Variants in STARD8 observed in about 807,000 individuals in gnomAD.
STARD8 encodes StAR related lipid transfer domain containing 8, also known as stAR-related lipid transfer protein 8.
A neutral mutation model predicts 69.4 loss-of-function variants in STARD8; 25 were observed. The ratio of observed to expected loss-of-function variants is 0.36; its 90% CI spans 0.26 to 0.50. The LOEUF (loss-of-function observed/expected upper bound fraction) is 0.50, where lower values mean the gene tolerates loss of function less well. Among genes scored for constraint, STARD8 ranks in the 20% least tolerant of loss-of-function variants. STARD8 has a pLI of 0.96. For missense variants in STARD8, 921 were observed against 932.5 expected (o/e 0.99, Z 0.16); for synonymous variants, 389 against 374.6 (o/e 1.04, Z -0.45).
chrX:68,718,769 A>T (rs1299175528), intron 6 of STARD8, 140 bp downstream of exon 6: 1 of 1,053,760 alleles, frequency 9.5e-7, no homozygotes, highest in Non-Finnish European at 1.2e-6. Context: ...CAGGAGAGAG[A>T]GTACAGGACT....
At chrX:68,697,767 G>A (rs1245202234) in intron 2 of STARD8, among the ~76,000 whole-genome samples, 1 of 112,478 alleles carries the variant, frequency 8.9e-6, no homozygotes, top group East Asian at 2.8e-4. Flanking sequence ...ATCCGGGCCA[G>A]CCCTCTACCC....
chrX:68,720,280 A>G lies in STARD8; in HGVS notation c.1906A>G (p.Met636Val). 2 of 1,201,851 alleles carry G rather than the reference A, an allele frequency of 1.7e-6. No individual in the cohort carries two copies. Among genetic ancestry groups the G allele is most frequent in the Non-Finnish European group, 2.2e-6 (2 of 890,381 alleles). The change falls in exon 8 of 15, where the codon ATG becomes GTG. Residue 636 changes from methionine (M) to valine (V), a missense_variant. By Grantham distance (21) the Met-to-Val change is conservative. Coordinates refer to ENST00000374599, the MANE Select transcript of STARD8 (RefSeq NM_001142503.3). The stretch of plus-strand genomic sequence containing the variant: ...CCCAAACAGGTCAATGCCCAAGTTC[A>G]TGAGGAGGAACAAGACCCCAGATTA... ...QGWVWSMPKF[M>V]RRNKTPDYRG...
In STARD8 at chrX:68,718,750, C is replaced by T. The variant is rs372463074; in HGVS notation, c.1715+121C>T. ...GCTTGGCGGCTGCGTTATCCCCTCA[C>T]AGCCAGCTCAGGAGAGAGAGTACAG... On this transcript the variant is annotated intron_variant, in intron 6 of 14. Transcript: ENST00000374599. The T allele has an allele frequency of 1.6e-5, 17 of 1,079,663 alleles. No individual in the cohort carries two copies. In the African/African-American group the frequency reaches 2.3e-4, roughly 14 times the overall value. The allele number at this position is 1,079,663 out of a possible 1,213,427, so 89.0% of individuals were successfully genotyped here.
In STARD8 at chrX:68,666,487, C is replaced by T. The variant is rs142043698; in HGVS notation, c.79+955C>T. Among the ~76,000 whole-genome samples, 703 of 112,110 alleles carry T rather than the reference C, an allele frequency of 6.3e-3. 3 individuals carry two copies. Among genetic ancestry groups the T allele is most frequent in the African/African-American group, 0.022 (673 of 30,839 alleles). ...TTGGGAAGACGTTGGAAGAGACAAC[C>T]AGAACCCTTACTAATAAGAACCTTC... On this transcript the variant is annotated intron_variant, in intron 2 of 14. Coordinates refer to ENST00000374599, the MANE Select transcript of STARD8 (RefSeq NM_001142503.3).
At chrX:68,676,074 G>C (rs1048491425) in intron 2 of STARD8, among the ~76,000 whole-genome samples, 1 of 112,584 alleles carries the variant, frequency 8.9e-6, no homozygotes, top group Non-Finnish European at 1.9e-5. Context: ...TTCTAAAAAT[G>C]TGAACAATGT....
chrX:68,700,737 A>T (rs138765694), intron 2 of STARD8, among the ~76,000 whole-genome samples: 18 of 111,901 alleles, frequency 1.6e-4, no homozygotes, highest in African/African-American at 5.8e-4. Context: ...TAAATGGGAA[A>T]AACAGAGAGG....
At chrX:68,653,435 A>G (rs1394374366) in intron 1 of STARD8, among the ~76,000 whole-genome samples, 3 of 31,586 alleles carry the variant, frequency 9.5e-5, no homozygotes, top group Non-Finnish European at 1.8e-4. Flanking sequence ...ACCACACACC[A>G]CACATACACC....
At chrX:68,710,105 AT>A (rs2147924387) in intron 2 of STARD8, among the ~76,000 whole-genome samples, 1 of 112,114 alleles carries the variant, frequency 8.9e-6, no homozygotes, top group East Asian at 2.8e-4. Context: ...GCATAATGCA[AT>A]GGCAAAGAGC....
chrX:68,722,376 C>T, intron 11 of STARD8, 46 bp from the exon 12 acceptor site: 1 of 1,118,563 alleles, frequency 8.9e-7, no homozygotes, highest in Non-Finnish European at 1.2e-6. Context: ...CCCATGGGGT[C>T]TCCTGCTCTC....
intron 2 of STARD8, among the ~76,000 whole-genome samples, chrX:68,676,123 T>C (rs189234335): frequency 8.9e-6 from 1 of 112,640 alleles, no homozygotes; most frequent in East Asian, 2.8e-4. Flanking sequence ...CATCTGATAG[T>C]TGGACACTGA....
At chrX:68,649,843 G>A (rs1168839783) in intron 1 of STARD8, among the ~76,000 whole-genome samples, 1 of 111,168 alleles carries the variant, frequency 9.0e-6, no homozygotes, top group African/African-American at 3.3e-5. Context: ...AGTGGGCAGG[G>A]ATGGTGTGGA....
At chrX:68,651,446 C>T (rs944636693) in intron 1 of STARD8, among the ~76,000 whole-genome samples, 1 of 112,201 alleles carries the variant, frequency 8.9e-6, no homozygotes, top group Non-Finnish European at 1.9e-5. Flanking sequence ...TCTCTGGGCT[C>T]GGGAGCTCAG....
At chrX:68,649,956 G>T (rs1207943477) in intron 1 of STARD8, among the ~76,000 whole-genome samples, 1 of 111,068 alleles carries the variant, frequency 9.0e-6, no homozygotes, top group Non-Finnish European at 1.9e-5. Context: ...TGATAATGAC[G>T]AGGGAAGGGA....
At chrX:68,686,386 G>A (rs1245323340) in intron 2 of STARD8, among the ~76,000 whole-genome samples, 2 of 112,842 alleles carry the variant, frequency 1.8e-5, no homozygotes, top group East Asian at 2.8e-4. Flanking sequence ...ACTCCGGCTC[G>A]CCAGCTCGCT....
At chrX:68,700,902 C>T (rs926422381) in intron 2 of STARD8, among the ~76,000 whole-genome samples, 5 of 112,088 alleles carry the variant, frequency 4.5e-5, no homozygotes, top group Admixed American at 3.8e-4. Flanking sequence ...TATGTACCCA[C>T]CTCATGGAGT....
intron 1 of STARD8, among the ~76,000 whole-genome samples, chrX:68,653,288 CCACACACCA>C (rs2079580701): frequency 2.4e-5 from 1 of 41,121 alleles, no homozygotes. Context: ...CACACACACA[CCACACACCA>C]CACACACACC....
At chrX:68,694,049 C>A (rs2079899943) in intron 2 of STARD8, among the ~76,000 whole-genome samples, 1 of 113,333 alleles carries the variant, frequency 8.8e-6, no homozygotes, top group South Asian at 3.6e-4. Flanking sequence ...AGCGCGCCAG[C>A]CGCGCGTCTT....
chrX:68,721,399 A>T, intron 9 of STARD8, 137 bp from the exon 10 acceptor site: 1 of 666,047 alleles, frequency 1.5e-6, no homozygotes, highest in Non-Finnish European at 2.3e-6. Context: ...CAGAGACCTC[A>T]CAGAACTGAC....
intron 1 of STARD8, among the ~76,000 whole-genome samples, chrX:68,659,037 A>G (rs2079628292): frequency 8.9e-6 from 1 of 112,100 alleles, no homozygotes; most frequent in Admixed American, 9.5e-5. Flanking sequence ...GTATGAAGAT[A>G]TAATGTCATA....
Sources: allele counts gnomAD v4.1 joint callset (sites outside exome capture counted in the v4.1 genomes callset), GRCh38; gene constraint gnomAD v4.1.1; transcripts MANE v1.5; gene names NCBI Gene and HGNC (gene_info 2026-07-23, HGNC 2026-07-21).